The following LRBA variants were observed in gnomAD, a reference collection of about 807,000 sequenced individuals.
LRBA encodes LPS responsive beige-like anchor protein, also known as lipopolysaccharide-responsive and beige-like anchor protein.
A neutral mutation model predicts 330.0 loss-of-function variants in LRBA; 176 were observed. The ratio of observed to expected loss-of-function variants is 0.53; its 90% CI spans 0.47 to 0.60. The LOEUF is 0.60. LRBA is among the 20% of genes least tolerant of loss of function. The probability of loss-of-function intolerance (pLI) is 0.00; values close to 1 mark genes in which losing one functional copy is unlikely to be tolerated. For missense variants in LRBA, 3,259 were observed against 3,444.8 expected, an observed-to-expected ratio of 0.95 and a Z score of 1.35; for synonymous variants, 1,230 against 1,193.0, an observed-to-expected ratio of 1.03 and a Z score of -0.64.
At chr4:150,864,232 G>A (rs1005260518) in intron 22 of LRBA, among the ~76,000 whole-genome samples, 5 of 151,884 alleles carry the variant, frequency 3.3e-5, no homozygotes, top group African/African-American at 9.7e-5. Context: ...CACCGTGCCC[G>A]GGCAACACTT....
chr4:150,672,909 A>C (rs1159630897), intron 37 of LRBA, among the ~76,000 whole-genome samples: 2 of 152,142 alleles, frequency 1.3e-5, no homozygotes, highest in African/African-American at 4.8e-5. Context: ...GAAATGCATC[A>C]ACGGAAGGAA....
chr4:150,287,991 ATT>A (rs1318054945), intron 53 of LRBA, among the ~76,000 whole-genome samples: 3 of 144,760 alleles, frequency 2.1e-5, no homozygotes, highest in Admixed American at 6.9e-5. Flanking sequence ...GGATCCACAA[ATT>A]TTTTTTTTTT....
intron 17 of LRBA, among the ~76,000 whole-genome samples, chr4:150,891,376 CTTAACT>C (rs1291872463): frequency 6.6e-6 from 1 of 152,186 alleles, no homozygotes; most frequent in Admixed American, 6.5e-5. Flanking sequence ...TCTTACAATG[CTTAACT>C]TTATGTGTCA....
intron 47 of LRBA, among the ~76,000 whole-genome samples, chr4:150,374,425 T>A (rs1267989322): frequency 6.6e-6 from 1 of 152,152 alleles, no homozygotes; most frequent in African/African-American, 2.4e-5. Context: ...GGCTATGAAG[T>A]AGACCCACCT....
At chr4:150,282,722 T>A (rs1160354926) in intron 54 of LRBA, 76 bp from the exon 55 acceptor site, 25 of 1,040,434 alleles carry the variant, frequency 2.4e-5, no homozygotes, top group Non-Finnish European at 2.5e-5. Context: ...TGAGCACAGA[T>A]CAAACAGGAT....
chr4:150,844,706 G>A lies in LRBA; in HGVS notation c.4413C>T (p.Ala1471=). 6.2e-7 allele frequency: 1 copy of A among 1,613,238 alleles called. No homozygotes were observed. Among genetic ancestry groups the A allele is most frequent in the Non-Finnish European group, 8.5e-7 (1 of 1,179,336 alleles). The change falls in exon 27 of 57, where the codon GCC becomes GCT. Residue 1471 remains alanine (A), a synonymous_variant. Transcript: ENST00000651943. ...HSQLKTRGDK[A]LKPMHSLIPL... ...GAATAAGGCTATGCATTGGTTTCAA[G>A]GCTTTATCTCCCCTAGTTTTCAGTT...
rs114556292 is a variant in LRBA, at chr4:150,740,852, C to T, written c.5646-5486G>A. Among the ~76,000 whole-genome samples the T allele has an allele frequency of 6.1e-3, 929 of 152,060 alleles. 9 individuals carry two copies. The highest frequency in any genetic ancestry group is 0.021 in the African/African-American group (877 of 41,514). On this transcript the variant is annotated intron_variant, in intron 35 of 56. Transcript: ENST00000651943. ...TGTAAACAAACAAGAATACATGAGA[C>T]ATTCTTAAAGAGGGGAAGAGAGATG... is the stretch of plus-strand genomic sequence containing the variant.
chr4:150,725,878 T>C (rs1040949800), intron 36 of LRBA, among the ~76,000 whole-genome samples: 2 of 152,238 alleles, frequency 1.3e-5, no homozygotes, highest in African/African-American at 4.8e-5. Flanking sequence ...TTCCTTTTTG[T>C]GTGTTTGTTT....
chr4:150,364,953 T>G (rs1321937935), intron 47 of LRBA, among the ~76,000 whole-genome samples: 1 of 151,756 alleles, frequency 6.6e-6, no homozygotes, highest in Non-Finnish European at 1.5e-5. Flanking sequence ...AAAATGTATA[T>G]CATAAATATA....
chr4:150,841,130 C>A, intron 28 of LRBA: 1 of 234,674 alleles, frequency 4.3e-6, no homozygotes, highest in Non-Finnish European at 8.6e-6. Flanking sequence ...TGTTCTTCTG[C>A]CACACAATTC....
intron 28 of LRBA, among the ~76,000 whole-genome samples, chr4:150,838,871 G>A (rs1387954460): frequency 6.6e-6 from 1 of 151,994 alleles, no homozygotes; most frequent in Non-Finnish European, 1.5e-5. Context: ...GAGGTGCTCT[G>A]ATTTTTTGAA....
chr4:150,412,010 CTATATTGTAAGGAA>C (rs1747080503), intron 47 of LRBA, among the ~76,000 whole-genome samples: 2 of 152,114 alleles, frequency 1.3e-5, no homozygotes, highest in South Asian at 4.1e-4. Flanking sequence ...TCAATATAGA[CTATATTGTAAGGAA>C]ACTTTGTTCA....
At chr4:150,542,411 C>T (rs1765404738) in intron 40 of LRBA, among the ~76,000 whole-genome samples, 1 of 152,174 alleles carries the variant, frequency 6.6e-6, no homozygotes, top group Non-Finnish European at 1.5e-5. Flanking sequence ...TTAAAAGTGT[C>T]ATTTCTTGTT....
chr4:150,543,740 G>C (rs1765559204), intron 40 of LRBA, among the ~76,000 whole-genome samples: 1 of 152,072 alleles, frequency 6.6e-6, no homozygotes, highest in African/African-American at 2.4e-5. Context: ...TTCTTATTCA[G>C]TAAGTATATG....
rs1747618728 is a variant in LRBA at position 150,415,564 on chromosome 4, G to A, written c.7068C>T (p.Leu2356=). 2 of 1,586,554 alleles carry A rather than the reference G, an allele frequency of 1.3e-6. No individual in the cohort carries two copies. The highest frequency in any genetic ancestry group is 1.3e-5 in the African/African-American group (1 of 74,368). Residue 2356 remains leucine, a synonymous_variant, in exon 47 of 57, where the codon CTC becomes CTT. Transcript: ENST00000651943. ...TATTGAAGTTGACAAACATCTCAGG[G>A]AGATAATAAAATTCAGGGATCAACT... ...IKELIPEFYY[L]PEMFVNFNNY...
intron 37 of LRBA, among the ~76,000 whole-genome samples, chr4:150,639,811 GTGTGTGTGTATATATATATATATATA>G (rs1561457868): frequency 0.35 from 4,878 of 13,802 alleles, 1,277 homozygotes; most frequent in Middle Eastern, 0.67. Flanking sequence ...ATATATGTGT[GTGTGTGTGTATATATATATATATATA>G]TATATATATA....
chr4:150,550,829 A>T (rs1327007680), intron 40 of LRBA, among the ~76,000 whole-genome samples: 1 of 152,230 alleles, frequency 6.6e-6, no homozygotes, highest in African/African-American at 2.4e-5. Context: ...TAGTTCTTTA[A>T]CTAAAAGATT....
chr4:150,330,221 C>T (rs1733809662), intron 48 of LRBA, among the ~76,000 whole-genome samples: 4 of 152,142 alleles, frequency 2.6e-5, no homozygotes. Flanking sequence ...CTCTGCCTTA[C>T]ATTTTCTACC....
chr4:150,517,398 ATAGTC>A (rs1167139881), intron 40 of LRBA, among the ~76,000 whole-genome samples: 1 of 152,044 alleles, frequency 6.6e-6, no homozygotes, highest in Non-Finnish European at 1.5e-5. Context: ...GCATGCAGCC[ATAGTC>A]CCAGCTACTC....
Sources: gnomAD v4.1 joint callset for allele counts (sites outside exome capture counted in the v4.1 genomes callset) on GRCh38, gnomAD v4.1.1 for gene constraint, MANE v1.5 for transcripts, NCBI Gene and HGNC (gene_info 2026-07-23, HGNC 2026-07-21) for gene names.